TRAPPC9: variants seen among roughly 807,000 people sequenced by gnomAD.
TRAPPC9 encodes trafficking protein particle complex subunit 9, also known as IKK2 binding protein.
A neutral mutation model predicts 124.0 loss-of-function variants in TRAPPC9; 83 were observed. The ratio of observed to expected loss-of-function variants is 0.67; its 90% CI spans 0.56 to 0.80. The LOEUF is 0.80. Among genes scored for constraint, TRAPPC9 ranks in the 30% least tolerant of loss-of-function variants. TRAPPC9 has a pLI of 0.00. For synonymous variants in TRAPPC9, 638 were observed against 617.5 expected, an observed-to-expected ratio of 1.03 and a Z score of -0.49; for missense variants, 1,302 against 1,508.3, an observed-to-expected ratio of 0.86 and a Z score of 2.27.
chr8:139,851,832 G>T (rs1827486907), intron 21 of TRAPPC9, among the ~76,000 whole-genome samples: 1 of 152,216 alleles, frequency 6.6e-6, no homozygotes. Context: ...GTCACGCACA[G>T]TCTCCCCGAA....
At chr8:139,967,905 G>A (rs921015939) in intron 19 of TRAPPC9, among the ~76,000 whole-genome samples, 3 of 152,106 alleles carry the variant, frequency 2.0e-5, no homozygotes, top group Admixed American at 1.3e-4. Context: ...TTGGGAGGCC[G>A]AGGCGGGCGG....
At chr8:140,192,035 A>C (rs2062503475) in intron 17 of TRAPPC9, among the ~76,000 whole-genome samples, 1 of 152,362 alleles carries the variant, frequency 6.6e-6, no homozygotes, top group East Asian at 1.9e-4. Context: ...GGCATATAGC[A>C]AAAATTTGAA....
intron 22 of TRAPPC9, among the ~76,000 whole-genome samples, chr8:139,731,609 G>A (rs552007946): frequency 7.9e-5 from 12 of 152,208 alleles, no homozygotes; most frequent in African/African-American, 2.4e-4. Context: ...GGCTGAGGGC[G>A]TAGGGCTGGA....
chr8:139,754,475 T>G (rs1197216210), intron 21 of TRAPPC9, among the ~76,000 whole-genome samples: 1 of 152,134 alleles, frequency 6.6e-6, no homozygotes, highest in Non-Finnish European at 1.5e-5. Context: ...CAAGACTGCC[T>G]CCATTCAGGG....
intron 21 of TRAPPC9, among the ~76,000 whole-genome samples, chr8:139,862,618 C>T (rs1414699714): frequency 1.5e-4 from 23 of 152,236 alleles, no homozygotes; most frequent in Admixed American, 1.5e-3. Flanking sequence ...AGTACCAAGG[C>T]CTAAACTGAC....
intron 17 of TRAPPC9, among the ~76,000 whole-genome samples, chr8:140,199,358 G>C (rs1249141413): frequency 6.6e-6 from 1 of 152,088 alleles, no homozygotes; most frequent in Non-Finnish European, 1.5e-5. Context: ...CACAAATCCA[G>C]GTCTAGACCT....
chr8:139,998,593 G>A (rs1838192118), intron 18 of TRAPPC9, among the ~76,000 whole-genome samples: 1 of 152,126 alleles, frequency 6.6e-6, no homozygotes, highest in East Asian at 1.9e-4. Context: ...GTGCTGGTGG[G>A]CACCTGTAGT....
chr8:139,853,527 C>T (rs925737620), intron 21 of TRAPPC9, among the ~76,000 whole-genome samples: 4 of 152,182 alleles, frequency 2.6e-5, no homozygotes, highest in Admixed American at 1.3e-4. Flanking sequence ...TCAAGAAATG[C>T]TTGCTGACCG....
At chr8:140,376,891 AAT>A (rs1554677155) in intron 7 of TRAPPC9, among the ~76,000 whole-genome samples, 2 of 151,684 alleles carry the variant, frequency 1.3e-5, no homozygotes, top group Non-Finnish European at 2.9e-5. Flanking sequence ...AAAAAAAAAA[AAT>A]CACAGTGTTG....
At chr8:139,826,838 C>G (rs1483575712) in intron 21 of TRAPPC9, among the ~76,000 whole-genome samples, 1 of 152,162 alleles carries the variant, frequency 6.6e-6, no homozygotes. Context: ...GAGGTTGGTA[C>G]AGGTCCCTGT....
At chr8:140,083,818 C>G (rs2130049784) in intron 17 of TRAPPC9, among the ~76,000 whole-genome samples, 1 of 152,172 alleles carries the variant, frequency 6.6e-6, no homozygotes, top group East Asian at 1.9e-4. Context: ...AGGCACGGGC[C>G]ACCACATCCA....
At chr8:139,961,438 C>T (rs1835367281) in intron 19 of TRAPPC9, among the ~76,000 whole-genome samples, 1 of 123,560 alleles carries the variant, frequency 8.1e-6, no homozygotes, top group Admixed American at 8.4e-5. Flanking sequence ...TAGCTGCAGA[C>T]CCAGGCCTCC....
intron 21 of TRAPPC9, among the ~76,000 whole-genome samples, chr8:139,789,194 G>A (rs1269170661): frequency 4.8e-5 from 7 of 146,780 alleles, no homozygotes; most frequent in Admixed American, 2.7e-4. Context: ...CCCGGCGGGC[G>A]GGAGACCCAC....
At chr8:139,915,057 A>G (rs1388674743) in intron 19 of TRAPPC9, among the ~76,000 whole-genome samples, 1 of 152,218 alleles carries the variant, frequency 6.6e-6, no homozygotes, top group Non-Finnish European at 1.5e-5. Flanking sequence ...GGAAAAGGCC[A>G]GTGAGGAAAC....
intron 17 of TRAPPC9, among the ~76,000 whole-genome samples, chr8:140,155,691 A>C (rs1252191842): frequency 6.6e-6 from 1 of 151,124 alleles, no homozygotes; most frequent in South Asian, 2.1e-4. Context: ...GTCTATTGAC[A>C]TGGGACCCCC....
chr8:140,335,134 AG>A (rs1486018980), intron 9 of TRAPPC9, among the ~76,000 whole-genome samples: 7 of 152,264 alleles, frequency 4.6e-5, no homozygotes, highest in African/African-American at 1.7e-4. Flanking sequence ...AGACTTTACT[AG>A]ATAGACAAAG....
intron 19 of TRAPPC9, among the ~76,000 whole-genome samples, chr8:139,963,749 CAAAAAAAAAAAAAAAAA>C (rs58224556): frequency 9.3e-6 from 1 of 107,372 alleles, no homozygotes; most frequent in Non-Finnish European, 1.8e-5. Context: ...CCAGTTCTAC[CAAAAAAAAAAAAAAAAA>C]AAAAAAAAAA....
chr8:140,256,630 T>C (rs1428649394), intron 15 of TRAPPC9, among the ~76,000 whole-genome samples: 1 of 152,140 alleles, frequency 6.6e-6, no homozygotes, highest in Non-Finnish European at 1.5e-5. Flanking sequence ...CACTGTGCTC[T>C]TCTGTAGGTG....
At position 139,763,629 on chromosome 8, in the gene TRAPPC9, C is replaced by T. The variant is rs113794247; in HGVS notation, c.3056-31427G>A. On this transcript the variant is annotated intron_variant, in intron 21 of 22. Coordinates refer to ENST00000438773, the MANE Select transcript of TRAPPC9 (RefSeq NM_001160372.4). ...ACATAAACACACACACACACACACA[C>T]GTGCACACATGTGCACACAGGCACA... 3.4e-3 allele frequency among the ~76,000 whole-genome samples: 512 copies of T among 151,720 alleles called. 1 individual carries two copies. Among genetic ancestry groups the T allele is most frequent in the African/African-American group, 0.012 (478 of 41,086 alleles).
Sources: gnomAD v4.1 joint callset for allele counts (sites outside exome capture counted in the v4.1 genomes callset) on GRCh38, gnomAD v4.1.1 for gene constraint, MANE v1.5 for transcripts, NCBI Gene and HGNC (gene_info 2026-07-23, HGNC 2026-07-21) for gene names.